Variants in ST8SIA5 observed in about 807,000 individuals in gnomAD.
ST8SIA5 encodes the protein ST8 alpha-N-acetyl-neuraminide alpha-2,8-sialyltransferase 5.
Under a neutral mutation model 40.2 loss-of-function variants are expected in ST8SIA5, and 24 were observed. That is an observed-to-expected ratio of 0.60 (90% confidence interval 0.43 to 0.84). The LOEUF (loss-of-function observed/expected upper bound fraction) is 0.84, where lower values mean the gene tolerates loss of function less well. Ranked by LOEUF, ST8SIA5 falls within the 40% of genes least tolerant of loss-of-function variation. The pLI is 0.00. For synonymous variants in ST8SIA5, 198 were observed against 201.8 expected, an observed-to-expected ratio of 0.98 and a Z score of 0.16; for missense variants, 465 against 498.5, an observed-to-expected ratio of 0.93 and a Z score of 0.64.
intron 1 of ST8SIA5, among the ~76,000 whole-genome samples, chr18:46,710,379 C>CT (rs1429247808): frequency 9.2e-6 from 1 of 108,384 alleles, no homozygotes; most frequent in Admixed American, 9.9e-5. Context: ...TTCTTTCTTT[C>CT]TTTCTTTCTT....
At position 46,677,313 on chromosome 18, in the gene ST8SIA5, G is replaced by GTGCCGTTCCCTCCATTGGA; in HGVS notation, c.*2728_*2729insTCCAATGGAGGGAACGGCA. ...ATCTGGGTGCAGTTCCCTCCATTGGGTGCCGTTCCCTCCATTGGGTGCCTG... is the reference window on the plus strand; with the variant it reads ...ATCTGGGTGCAGTTCCCTCCATTGGGTGCCGTTCCCTCCATTGGATGCCGTTCCCTCCATTGGGTGCCTG... On this transcript the variant is annotated 3_prime_UTR_variant, in exon 7 of 7. Coordinates refer to ENST00000315087, the MANE Select transcript of ST8SIA5 (RefSeq NM_013305.6). 1 of 152,378 alleles carries GTGCCGTTCCCTCCATTGGA rather than the reference G, an allele frequency of 6.6e-6. No individual in the cohort carries two copies. Among genetic ancestry groups the GTGCCGTTCCCTCCATTGGA allele is most frequent in the East Asian group, 1.9e-4 (1 of 5,192 alleles). 9.4% of individuals were successfully genotyped at this position (152,378 alleles called of 1,614,324 possible). A position where few individuals can be genotyped will look rare whatever the true frequency, so the allele number is the denominator to read the frequency against.
intron 2 of ST8SIA5, among the ~76,000 whole-genome samples, chr18:46,695,686 C>T (rs1345294042): frequency 6.6e-6 from 1 of 152,218 alleles, no homozygotes. Context: ...ATCTTTCCCA[C>T]TAGACAGTAA....
chr18:46,750,476 A>G (rs1329523091), intron 1 of ST8SIA5, among the ~76,000 whole-genome samples: 1 of 152,044 alleles, frequency 6.6e-6, no homozygotes, highest in Non-Finnish European at 1.5e-5. Context: ...CAGCATTGAC[A>G]CCTAGAAAGG....
chr18:46,681,916 A>C (rs1418466148), intron 6 of ST8SIA5, 56 bp downstream of exon 6: 3 of 1,570,152 alleles, frequency 1.9e-6, no homozygotes, highest in Non-Finnish European at 1.7e-6. Context: ...CAGTAGCCGC[A>C]TGTGACTATT....
Position 46,682,011 on chromosome 18 carries a change from G to A in ST8SIA5, c.623C>T (p.Thr208Met), listed in dbSNP as rs1205669470. The A allele has an allele frequency of 3.7e-6, 6 of 1,613,554 alleles. No individual in the cohort carries two copies. Among genetic ancestry groups the A allele is most frequent in the East Asian group, 2.2e-5 (1 of 44,864 alleles). The part of the protein sequence containing the change: ...EKYTMDVGVK[T>M]DVVTVNPSII... ...GCTGGGGTTCACAGTGACCACATCC[G>A]TCTTCACCCCCACATCCATGGTGTA... The change falls in exon 6 of 7, where the codon ACG becomes ATG. Residue 208 changes from threonine to methionine, a missense_variant. By Grantham distance (81) the Thr-to-Met change is moderately conservative. Transcript: ENST00000315087.
At position 46,674,212 on chromosome 18, in the gene ST8SIA5, T is replaced by C. The variant is rs1388931082; in HGVS notation, c.*5830A>G. 6.6e-6 allele frequency: 1 copy of C among 152,138 alleles called. No homozygotes were observed. Among genetic ancestry groups the C allele is most frequent in the Admixed American group, 6.5e-5 (1 of 15,276 alleles). The allele number at this position is 152,138 out of a possible 1,614,324, so 9.4% of individuals were successfully genotyped here. On this transcript the variant is annotated 3_prime_UTR_variant, in exon 7 of 7. Coordinates refer to ENST00000315087, the MANE Select transcript of ST8SIA5 (RefSeq NM_013305.6). ...GTGTGGCTTTGAGGAAGGGAAGAAGTAGACAACAAGAAACACAGAAAATGT... is the reference window on the plus strand; with the variant it reads ...GTGTGGCTTTGAGGAAGGGAAGAAGCAGACAACAAGAAACACAGAAAATGT...
chr18:46,739,922 G>T (rs1310520973), intron 1 of ST8SIA5, among the ~76,000 whole-genome samples: 1 of 152,178 alleles, frequency 6.6e-6, no homozygotes, highest in Non-Finnish European at 1.5e-5. Flanking sequence ...TGAAGAGACA[G>T]CCCAGCTCCA....
intron 1 of ST8SIA5, among the ~76,000 whole-genome samples, chr18:46,743,823 G>A (rs576213985): frequency 1.0e-3 from 158 of 152,278 alleles, no homozygotes; most frequent in African/African-American, 3.8e-3. Context: ...GAGAAAGGTC[G>A]GGTTACCCAC....
At chr18:46,698,741 G>C (rs1421861143) in intron 2 of ST8SIA5, among the ~76,000 whole-genome samples, 3 of 152,198 alleles carry the variant, frequency 2.0e-5, no homozygotes, top group Non-Finnish European at 4.4e-5. Flanking sequence ...TCCAACCTCA[G>C]AAGGCAGAGA....
chr18:46,723,724 G>A (rs1313542130), intron 1 of ST8SIA5, among the ~76,000 whole-genome samples: 1 of 151,998 alleles, frequency 6.6e-6, no homozygotes, highest in Non-Finnish European at 1.5e-5. Flanking sequence ...CCAGGAGTTC[G>A]AGACCAGCCT....
chr18:46,678,693 G>A lies in ST8SIA5; in HGVS notation c.*1349C>T, dbSNP rs2039356458. ...AAGGAGAAAGGGGAGGAGGCAGGGA[G>A]AAAGGAAGGAGGGAGGGAGACAGGT... On this transcript the variant is annotated 3_prime_UTR_variant, in exon 7 of 7. Coordinates refer to ENST00000315087, the MANE Select transcript of ST8SIA5 (RefSeq NM_013305.6). The A allele has an allele frequency of 6.6e-6, 1 of 152,498 alleles. No individual in the cohort carries two copies. The highest frequency in any genetic ancestry group is 2.1e-4 in the South Asian group (1 of 4,828). 9.4% of individuals were successfully genotyped at this position (152,498 alleles called of 1,614,324 possible).
At chr18:46,706,980 C>T (rs904548855) in intron 1 of ST8SIA5, among the ~76,000 whole-genome samples, 2 of 152,164 alleles carry the variant, frequency 1.3e-5, no homozygotes, top group Non-Finnish European at 2.9e-5. Flanking sequence ...GCTAGCTGTG[C>T]CCTTAATAAA....
At position 46,680,315 on chromosome 18, in the gene ST8SIA5, C is replaced by A; in HGVS notation, c.858G>T (p.Ser286=). 1 of 1,614,184 alleles carries A rather than the reference C, an allele frequency of 6.2e-7. No individual in the cohort carries two copies. Among genetic ancestry groups the A allele is most frequent in the Non-Finnish European group, 8.5e-7 (1 of 1,180,032 alleles). ...YFHPQYLVNV[S]RYWLSLGVRA... ...GCACCCCCAGGCTGAGCCAGTAGCG[C>A]GACACGTTGACCAGGTACTGCGGAT... is the stretch of plus-strand genomic sequence containing the variant. Residue 286 remains serine (S), a synonymous_variant, in exon 7 of 7, where the codon TCG becomes TCT. Coordinates refer to ENST00000315087, the MANE Select transcript of ST8SIA5 (RefSeq NM_013305.6).
chr18:46,723,987 C>G (rs941601487), intron 1 of ST8SIA5, among the ~76,000 whole-genome samples: 5 of 152,080 alleles, frequency 3.3e-5, no homozygotes, highest in African/African-American at 4.8e-5. Flanking sequence ...TAAATAGCCT[C>G]TAAGCTAAGG....
intron 3 of ST8SIA5, among the ~76,000 whole-genome samples, chr18:46,689,410 G>T (rs1208399282): frequency 6.6e-6 from 1 of 152,224 alleles, no homozygotes; most frequent in Non-Finnish European, 1.5e-5. Context: ...GTGTCAAGAG[G>T]CCTGGATTCT....
intron 2 of ST8SIA5, among the ~76,000 whole-genome samples, chr18:46,696,493 C>A (rs2039558004): frequency 6.6e-6 from 1 of 152,338 alleles, no homozygotes; most frequent in South Asian, 2.1e-4. Flanking sequence ...ACACCCTGGA[C>A]CAAGGTCAGG....
chr18:46,743,943 A>C (rs1454753617), intron 1 of ST8SIA5, among the ~76,000 whole-genome samples: 1 of 152,234 alleles, frequency 6.6e-6, no homozygotes, highest in Non-Finnish European at 1.5e-5. Flanking sequence ...TTCAACCCAG[A>C]ATTTCATATC....
At chr18:46,754,750 C>T (rs1453613569) in intron 1 of ST8SIA5, among the ~76,000 whole-genome samples, 1 of 152,172 alleles carries the variant, frequency 6.6e-6, no homozygotes, top group Admixed American at 6.5e-5. Context: ...TTGCCATGGG[C>T]GGTTGTATTT....
At chr18:46,717,837 A>ATTT (rs558387396) in intron 1 of ST8SIA5, among the ~76,000 whole-genome samples, 7 of 146,746 alleles carry the variant, frequency 4.8e-5, no homozygotes, top group African/African-American at 1.5e-4. Flanking sequence ...CGCTTAATTC[A>ATTT]TTTTTTTTTT....
Sources: allele counts gnomAD v4.1 joint callset (sites outside exome capture counted in the v4.1 genomes callset), GRCh38; gene constraint gnomAD v4.1.1; transcripts MANE v1.5; gene names NCBI Gene and HGNC (gene_info 2026-07-23, HGNC 2026-07-21).